The following KANK4 variants were observed in gnomAD, a reference collection of about 807,000 sequenced individuals.
KANK4 encodes the protein KN motif and ankyrin repeat domain-containing protein 4.
In KANK4, 50 loss-of-function variants were observed where a neutral mutation model predicts 80.8. The observed-to-expected ratio is 0.62, with a 90% CI of 0.49 to 0.78. KANK4 has a LOEUF of 0.78. KANK4 is among the 30% of genes least tolerant of loss of function. The probability of loss-of-function intolerance (pLI) is 0.00; values close to 1 mark genes in which losing one functional copy is unlikely to be tolerated. For synonymous variants in KANK4, 465 were observed against 506.9 expected, an observed-to-expected ratio of 0.92 and a Z score of 1.11; for missense variants, 1,196 against 1,240.1, an observed-to-expected ratio of 0.96 and a Z score of 0.53.
At chr1:62,238,630 CTCT>C (rs1329140869) in intron 9 of KANK4, among the ~76,000 whole-genome samples, 3 of 138,362 alleles carry the variant, frequency 2.2e-5, no homozygotes, top group Admixed American at 1.5e-4. Flanking sequence ...GTTTTTAATG[CTCT>C]TTTTTTTTTT....
At chr1:62,260,235 G>A (rs1671847725) in intron 7 of KANK4, among the ~76,000 whole-genome samples, 1 of 152,080 alleles carries the variant, frequency 6.6e-6, no homozygotes, top group South Asian at 2.1e-4. Context: ...GCTCCTCCCA[G>A]ACCTTGCTTT....
rs1261136325 is a variant in KANK4 at position 62,258,878 on chromosome 1, G to T, written c.2539+4214C>A. 2.6e-5 allele frequency among the ~76,000 whole-genome samples: 4 copies of T among 152,306 alleles called. No homozygotes were observed. The South Asian group carries it at 6.2e-4, about 24-fold the overall frequency. On this transcript the variant is annotated intron_variant, in intron 7 of 9. Transcript: ENST00000371153. ...ATTGGGGCTGTGACTTGAATGACGAGAAGGAGCCAGTCACAAGAAGAGCCT... is the reference window on the plus strand; with the variant it reads ...ATTGGGGCTGTGACTTGAATGACGATAAGGAGCCAGTCACAAGAAGAGCCT...
At chr1:62,283,017 G>A (rs887332092) in intron 1 of KANK4, among the ~76,000 whole-genome samples, 1 of 152,204 alleles carries the variant, frequency 6.6e-6, no homozygotes, top group Non-Finnish European at 1.5e-5. Context: ...GGTGTGGAAG[G>A]TTCTAACCTG....
At chr1:62,299,363 G>A (rs765094591) in intron 1 of KANK4, among the ~76,000 whole-genome samples, 12 of 152,250 alleles carry the variant, frequency 7.9e-5, no homozygotes, top group Non-Finnish European at 1.2e-4. Context: ...CCAGACAACT[G>A]CCCAAGCTCT....
At chr1:62,239,490 A>G (rs945932964) in intron 9 of KANK4, among the ~76,000 whole-genome samples, 1 of 152,170 alleles carries the variant, frequency 6.6e-6, no homozygotes, top group Non-Finnish European at 1.5e-5. Flanking sequence ...CCCATTTTAA[A>G]TTATTTCCTA....
chr1:62,273,983 T>G lies in KANK4; in HGVS notation c.1121A>C (p.Glu374Ala). 1 of 1,614,202 alleles carries G rather than the reference T, an allele frequency of 6.2e-7. No individual in the cohort carries two copies. The highest frequency in any genetic ancestry group is 1.3e-5 in the African/African-American group (1 of 75,058). ...AQVRTALQQQ[E>A]EEIKAREQRI... ...TTGCTCCCTAGCTTTGATTTCCTCT[T>G]CCTGCTGCTGGAGAGCAGTTCTGAC... The change falls in exon 3 of 10, where the codon GAA (glutamate) becomes GCA (alanine). Residue 374 changes from glutamate (E) to alanine (A), a missense_variant. Coordinates refer to ENST00000371153, the MANE Select transcript of KANK4 (RefSeq NM_181712.5).
intron 9 of KANK4, among the ~76,000 whole-genome samples, chr1:62,239,675 C>T (rs563852262): frequency 6.6e-6 from 1 of 152,254 alleles, no homozygotes; most frequent in East Asian, 1.9e-4. Flanking sequence ...TCCCCCCACC[C>T]CACGACAGGC....
intron 7 of KANK4, among the ~76,000 whole-genome samples, chr1:62,259,975 A>G (rs1671840071): frequency 6.6e-6 from 1 of 152,056 alleles, no homozygotes; most frequent in Admixed American, 6.6e-5. Context: ...GCTCAGCCTC[A>G]TCATGCACCT....
chr1:62,298,263 CTG>C (rs1644383823), intron 1 of KANK4: 1 of 152,214 alleles, frequency 6.6e-6, no homozygotes, highest in South Asian at 2.1e-4. Context: ...ACACAGGAAT[CTG>C]TGTTCTAACC....
chr1:62,316,984 C>T (rs1644547136), intron 1 of KANK4, among the ~76,000 whole-genome samples: 1 of 152,156 alleles, frequency 6.6e-6, no homozygotes. Flanking sequence ...AAGTTCAAAG[C>T]TAAGAGTGCA....
chr1:62,252,541 C>G (rs562146831), intron 8 of KANK4, among the ~76,000 whole-genome samples: 2 of 152,376 alleles, frequency 1.3e-5, no homozygotes, highest in African/African-American at 4.8e-5. Flanking sequence ...AATCCTCACA[C>G]CCCTAGGAAT....
At chr1:62,291,191 G>A (rs1672671459) in intron 1 of KANK4, among the ~76,000 whole-genome samples, 3 of 152,282 alleles carry the variant, frequency 2.0e-5, no homozygotes, top group Middle Eastern at 3.4e-3. Flanking sequence ...TAATTGTGTT[G>A]ACTATCTTTT....
chr1:62,257,071 G>A (rs564691773), intron 7 of KANK4, among the ~76,000 whole-genome samples: 1 of 152,024 alleles, frequency 6.6e-6, no homozygotes, highest in Non-Finnish European at 1.5e-5. Context: ...GAGGGGCTAA[G>A]GACCCAGGAT....
intron 7 of KANK4, among the ~76,000 whole-genome samples, chr1:62,253,948 C>T (rs1227358528): frequency 6.6e-6 from 1 of 152,196 alleles, no homozygotes; most frequent in Non-Finnish European, 1.5e-5. Context: ...GTGCTCATCC[C>T]TCACCTGCCC....
At chr1:62,317,002 G>T (rs1302383513) in intron 1 of KANK4, among the ~76,000 whole-genome samples, 2 of 152,168 alleles carry the variant, frequency 1.3e-5, no homozygotes, top group Admixed American at 1.3e-4. Context: ...GCATTCACTG[G>T]GTGGGCAAGA....
At chr1:62,257,387 C>G (rs1186640107) in intron 7 of KANK4, among the ~76,000 whole-genome samples, 2 of 152,162 alleles carry the variant, frequency 1.3e-5, no homozygotes, top group Non-Finnish European at 2.9e-5. Flanking sequence ...TGCATCCTGC[C>G]AGGACCCAGG....
chr1:62,242,035 T>C (rs1671353735), intron 9 of KANK4, among the ~76,000 whole-genome samples: 2 of 152,230 alleles, frequency 1.3e-5, no homozygotes, highest in South Asian at 2.1e-4. Context: ...CTCAGATGCC[T>C]CTGCCAGAAC....
At chr1:62,287,107 G>A (rs1672587001) in intron 1 of KANK4, among the ~76,000 whole-genome samples, 1 of 152,096 alleles carries the variant, frequency 6.6e-6, no homozygotes, top group Non-Finnish European at 1.5e-5. Context: ...GAGTGTCCCG[G>A]GCAAGCACAG....
chr1:62,294,954 ATATTGT>A (rs1644348707), intron 1 of KANK4, among the ~76,000 whole-genome samples: 1 of 152,204 alleles, frequency 6.6e-6, no homozygotes, highest in Non-Finnish European at 1.5e-5. Context: ...GGAAGGTTAT[ATATTGT>A]TGTGGCCTGG....
Sources: allele counts gnomAD v4.1 joint callset (sites outside exome capture counted in the v4.1 genomes callset), GRCh38; gene constraint gnomAD v4.1.1; transcripts MANE v1.5; gene names NCBI Gene and HGNC (gene_info 2026-07-23, HGNC 2026-07-21).